The following PTPRK variants were observed in gnomAD, a reference collection of about 807,000 sequenced individuals.
The protein encoded by PTPRK is receptor-type tyrosine-protein phosphatase kappa.
PTPRK carries 75 observed loss-of-function variants against 178.0 expected under a neutral mutation model. The observed-to-expected ratio is 0.42, with a 90% CI of 0.35 to 0.51. The LOEUF is 0.51. PTPRK is among the 20% of genes least tolerant of loss of function. The pLI is 0.02. For missense variants in PTPRK, 1,441 were observed against 1,797.8 expected (o/e 0.80, Z 3.59); for synonymous variants, 637 against 620.6 (o/e 1.03, Z -0.39).
At chr6:128,310,816 T>C (rs1409504268) in intron 3 of PTPRK, among the ~76,000 whole-genome samples, 1 of 152,186 alleles carries the variant, frequency 6.6e-6, no homozygotes, top group Non-Finnish European at 1.5e-5. Context: ...GGGAGTAGCA[T>C]GCCCTTCTAT....
At chr6:128,047,546 A>G (rs967277258) in intron 13 of PTPRK, among the ~76,000 whole-genome samples, 3 of 152,116 alleles carry the variant, frequency 2.0e-5, no homozygotes, top group African/African-American at 4.8e-5. Context: ...GCCAGTGAAG[A>G]TAAGTTCCAC....
chr6:128,492,893 G>A (rs1854036148), intron 1 of PTPRK, among the ~76,000 whole-genome samples: 1 of 152,060 alleles, frequency 6.6e-6, no homozygotes, highest in South Asian at 2.1e-4. Flanking sequence ...CCTTCTCTTG[G>A]ATAGCCCCCT....
chr6:128,182,909 G>A (rs1287217276), intron 7 of PTPRK, among the ~76,000 whole-genome samples: 3 of 151,760 alleles, frequency 2.0e-5, no homozygotes, highest in Admixed American at 6.6e-5. Context: ...CTATTTTGAC[G>A]AAAATAAAAA....
intron 1 of PTPRK, among the ~76,000 whole-genome samples, chr6:128,407,468 T>G (rs1019677791): frequency 4.0e-5 from 6 of 151,516 alleles, no homozygotes; most frequent in Non-Finnish European, 4.4e-5. Flanking sequence ...GAGATCCCCA[T>G]GTCTACAAAA....
intron 1 of PTPRK, among the ~76,000 whole-genome samples, chr6:128,415,780 CTGTT>C (rs1215207382): frequency 6.6e-6 from 1 of 152,134 alleles, no homozygotes; most frequent in Non-Finnish European, 1.5e-5. Context: ...TCACAGTAAT[CTGTT>C]TGAAACCAGC....
At chr6:128,456,575 G>A (rs547405757) in intron 1 of PTPRK, among the ~76,000 whole-genome samples, 1 of 151,896 alleles carries the variant, frequency 6.6e-6, no homozygotes, top group East Asian at 1.9e-4. Context: ...CCTCAAGTAT[G>A]GAAGATAAGA....
Position 127,976,732 on chromosome 6 carries a change from G to C in PTPRK, c.3894C>G (p.Ile1298Met). 1 of 1,613,828 alleles carries C rather than the reference G, an allele frequency of 6.2e-7. No homozygotes were observed. The highest frequency in any genetic ancestry group is 1.1e-5 in the South Asian group (1 of 91,064). ...PEEGMLRYGP[I>M]QVECMSCSMD... ...TTGAACAAGACATACATTCCACTTG[G>C]ATGGGGCCATATCGTAGCATCCCTT... Residue 1298 changes from isoleucine to methionine, a missense_variant, in exon 27 of 30, where the codon ATC becomes ATG. This residue lies in a region of PTPRK where 335 missense variants were observed against 512.4 expected (regional missense o/e 0.65). Transcript: ENST00000368226.
intron 1 of PTPRK, among the ~76,000 whole-genome samples, chr6:128,424,485 T>A (rs1420000823): frequency 6.6e-6 from 1 of 152,196 alleles, no homozygotes; most frequent in Non-Finnish European, 1.5e-5. Context: ...ATAAGTGCGA[T>A]GTGGAAGTTC....
intron 1 of PTPRK, among the ~76,000 whole-genome samples, chr6:128,487,792 T>C (rs1452939691): frequency 3.3e-5 from 5 of 152,198 alleles, no homozygotes; most frequent in African/African-American, 9.7e-5. Context: ...ACATTTGCTA[T>C]GCTTTTCTCT....
chr6:128,302,295 G>C lies in PTPRK; in HGVS notation c.495+19744C>G, dbSNP rs112858504. ...TAGTCCCAGCTACTAGGGAGGCTGC[G>C]GCATAAGAATGGTGTGAACCCAGGA... On this transcript the variant is annotated intron_variant, in intron 3 of 29. Coordinates refer to ENST00000368226, the MANE Select transcript of PTPRK (RefSeq NM_002844.4). 5.1e-4 allele frequency among the ~76,000 whole-genome samples: 76 copies of C among 149,506 alleles called. 4 individuals carry two copies. The East Asian group carries it at 0.015, about 29-fold the overall frequency.
intron 13 of PTPRK, among the ~76,000 whole-genome samples, chr6:128,010,554 C>T (rs1487887197): frequency 6.6e-6 from 1 of 151,228 alleles, no homozygotes; most frequent in African/African-American, 2.4e-5. Flanking sequence ...CCAACAGCCA[C>T]AGATTCTGCC....
intron 13 of PTPRK, among the ~76,000 whole-genome samples, chr6:128,034,827 G>A (rs1021584322): frequency 1.3e-5 from 2 of 152,120 alleles, no homozygotes; most frequent in African/African-American, 2.4e-5. Context: ...TAATAAATAC[G>A]TGTGGATTGT....
intron 21 of PTPRK, among the ~76,000 whole-genome samples, chr6:127,989,337 A>G (rs982343950): frequency 2.0e-4 from 30 of 152,008 alleles, no homozygotes; most frequent in African/African-American, 6.8e-4. Context: ...TTTCATACAT[A>G]TTTTACAGTT....
intron 3 of PTPRK, among the ~76,000 whole-genome samples, chr6:128,260,662 C>G (rs1241108629): frequency 6.6e-6 from 1 of 152,078 alleles, no homozygotes; most frequent in Non-Finnish European, 1.5e-5. Context: ...ATAAAAGACT[C>G]ATATAACCAC....
chr6:128,110,904 T>A (rs1264866603), intron 7 of PTPRK, among the ~76,000 whole-genome samples: 1 of 152,126 alleles, frequency 6.6e-6, no homozygotes, highest in East Asian at 1.9e-4. Flanking sequence ...TTAAGACCAT[T>A]TGAATTATTT....
Position 128,183,299 on chromosome 6 carries a change from T to C in PTPRK, c.1162+1133A>G, listed in dbSNP as rs189411561. On this transcript the variant is annotated intron_variant, in intron 7 of 29. Transcript: ENST00000368226. ...TCACATGACCTCGATTGAAAGGACA[T>C]AGACATACAGAATATTTGAAAAGCA... Among the ~76,000 whole-genome samples, 32 of 152,256 alleles carry C rather than the reference T, an allele frequency of 2.1e-4. 2 individuals are homozygous for C. In the East Asian group the frequency reaches 6.0e-3, roughly 28 times the overall value.
intron 1 of PTPRK, among the ~76,000 whole-genome samples, chr6:128,409,095 C>T (rs1436515124): frequency 6.6e-6 from 1 of 152,108 alleles, no homozygotes; most frequent in Non-Finnish European, 1.5e-5. Context: ...TTCCTAGCCA[C>T]GAACTGTTTC....
At chr6:128,055,990 CTTTT>C (rs60796705) in intron 13 of PTPRK, among the ~76,000 whole-genome samples, 2 of 132,666 alleles carry the variant, frequency 1.5e-5, no homozygotes, top group African/African-American at 5.5e-5. Flanking sequence ...TTTTTCTTTT[CTTTT>C]TTTTTTTTTT....
intron 7 of PTPRK, among the ~76,000 whole-genome samples, chr6:128,103,251 C>T (rs766374079): frequency 2.6e-5 from 4 of 152,064 alleles, no homozygotes; most frequent in East Asian, 1.9e-4. Flanking sequence ...ACCCCCTTTC[C>T]GGGTCCCCAT....
Sources: gnomAD v4.1 joint callset for allele counts (sites outside exome capture counted in the v4.1 genomes callset) on GRCh38, gnomAD v4.1.1 for gene constraint, gnomAD v4.1.1 regional missense constraint, MANE v1.5 for transcripts, NCBI Gene and HGNC (gene_info 2026-07-23, HGNC 2026-07-21) for gene names.